The following MROH1 variants were observed in gnomAD, a reference collection of about 807,000 sequenced individuals.
MROH1 encodes maestro heat-like repeat-containing protein family member 1.
MROH1 carries 117 observed loss-of-function variants against 116.5 expected under a neutral mutation model. The observed-to-expected ratio is 1.00, with a 90% CI of 0.86 to 1.17. The LOEUF (loss-of-function observed/expected upper bound fraction) is 1.17, where lower values mean the gene tolerates loss of function less well. Among genes scored for constraint, MROH1 ranks in the 50% most tolerant of loss-of-function variants. The probability of loss-of-function intolerance (pLI) is 0.00; values close to 1 mark genes in which losing one functional copy is unlikely to be tolerated. For synonymous variants in MROH1, 921 were observed against 583.9 expected (o/e 1.58, Z -8.32); for missense variants, 1,873 against 1,338.5 (o/e 1.40, Z -6.23).
chr8:144,206,403 A>G (rs1832811483), intron 12 of MROH1, among the ~76,000 whole-genome samples: 1 of 150,514 alleles, frequency 6.6e-6, no homozygotes, highest in African/African-American at 2.4e-5. Context: ...TCCTGTTAAC[A>G]GACACTTGGG....
chr8:144,240,074 G>A, intron 18 of MROH1, 27 bp from the exon 19 acceptor site: 1 of 770,098 alleles, frequency 1.3e-6, no homozygotes, highest in Non-Finnish European at 2.4e-6. Flanking sequence ...TTTTGGGATG[G>A]GCTGGCCTGC....
intron 1 of MROH1, among the ~76,000 whole-genome samples, chr8:144,154,171 TCTC>T (rs1386260248): frequency 2.0e-5 from 3 of 152,110 alleles, no homozygotes; most frequent in African/African-American, 7.2e-5. Context: ...TTCAAGCCAT[TCTC>T]CTGCCTCAGC....
At chr8:144,168,193 T>C (rs1821427477) in intron 3 of MROH1, 102 bp from the exon 4 acceptor site, 6 of 1,318,120 alleles carry the variant, frequency 4.6e-6, no homozygotes, top group Non-Finnish European at 6.1e-6. Context: ...GTGTCTGTGA[T>C]CCTCAGAGGC....
intron 4 of MROH1, 149 bp from the exon 5 acceptor site, chr8:144,179,306 G>T: frequency 1.7e-6 from 2 of 1,173,004 alleles, no homozygotes; most frequent in Non-Finnish European, 2.4e-6. Context: ...GGCTTTTAGG[G>T]CGTGAGGAGT....
intron 14 of MROH1, among the ~76,000 whole-genome samples, chr8:144,234,995 C>T (rs999603578): frequency 5.4e-5 from 8 of 147,776 alleles, no homozygotes; most frequent in Admixed American, 2.1e-4. Context: ...CAGGTTCAAG[C>T]AGTTCTCATG....
rs926004968 is a variant in MROH1, at chr8:144,260,691, C to T, written c.4395C>T (p.Phe1465=). Residue 1465 remains phenylalanine (F), a synonymous_variant, in exon 40 of 44, where the codon TTC becomes TTT. Transcript: ENST00000326134. ...GTCCTTCCCAGGAGAAGATGGAGTT[C>T]CGGACGGCATCTATCCGCCTCTTTG... ...RPFFDSEKME[F]RTASIRLFGH... is the part of the protein sequence containing the mutation. 115 of 779,372 alleles carry T rather than the reference C, an allele frequency of 1.5e-4. No homozygotes were observed. The highest frequency in any genetic ancestry group is 1.0e-3 in the African/African-American group (62 of 59,270). The allele number at this position is 779,372 out of a possible 1,614,324, so 48.3% of individuals were successfully genotyped here.
intron 10 of MROH1, 47 bp downstream of exon 10, chr8:144,192,448 C>G (rs1828872363): frequency 6.7e-7 from 1 of 1,497,078 alleles, no homozygotes; most frequent in Non-Finnish European, 9.0e-7. Flanking sequence ...GCACACCCTT[C>G]CGTGGGAAGT....
At chr8:144,194,075 C>T (rs1829272866) in intron 10 of MROH1, among the ~76,000 whole-genome samples, 1 of 149,862 alleles carries the variant, frequency 6.7e-6, no homozygotes, top group Non-Finnish European at 1.5e-5. Context: ...TTTTTCTTTT[C>T]CCCTGAGATG....
chr8:144,168,701 A>G (rs1821641384), intron 4 of MROH1, among the ~76,000 whole-genome samples: 1 of 151,992 alleles, frequency 6.6e-6, no homozygotes, highest in African/African-American at 2.4e-5. Flanking sequence ...CCTTTTACTC[A>G]CTAAGTGGAG....
At chr8:144,236,532 G>A (rs1428345154) in intron 14 of MROH1, among the ~76,000 whole-genome samples, 3 of 151,940 alleles carry the variant, frequency 2.0e-5, no homozygotes, top group East Asian at 3.9e-4. Context: ...CTTGAAGTCG[G>A]GAGTTCAAGA....
At chr8:144,216,190 A>C (rs1235774413) in intron 12 of MROH1, among the ~76,000 whole-genome samples, 1 of 151,774 alleles carries the variant, frequency 6.6e-6, no homozygotes. Flanking sequence ...AAAAAAAACA[A>C]AGAGCCTGGC....
chr8:144,221,880 CGTG>C (rs1296164046), intron 13 of MROH1, among the ~76,000 whole-genome samples: 2 of 152,188 alleles, frequency 1.3e-5, no homozygotes, highest in East Asian at 3.9e-4. Context: ...GGGGCAGAGG[CGTG>C]GTCACGATGC....
chr8:144,207,608 C>T (rs1381472900), intron 12 of MROH1, among the ~76,000 whole-genome samples: 2 of 152,070 alleles, frequency 1.3e-5, no homozygotes, highest in African/African-American at 4.8e-5. Context: ...TGGGCTCAAG[C>T]GATCCTTCTG....
chr8:144,161,221 A>G (rs1678604062), intron 2 of MROH1, 132 bp downstream of exon 2: 1 of 152,248 alleles, frequency 6.6e-6, no homozygotes, highest in Non-Finnish European at 1.5e-5. Context: ...ATCCAGGATA[A>G]TCTCCCTGTC....
chr8:144,244,142 C>T, intron 26 of MROH1, 80 bp from the exon 27 acceptor site: 1 of 704,524 alleles, frequency 1.4e-6, no homozygotes. Context: ...GGCTGTGCTG[C>T]CCACACAGGC....
intron 14 of MROH1, among the ~76,000 whole-genome samples, chr8:144,230,966 T>C (rs1458586617): frequency 4.2e-5 from 6 of 142,904 alleles, no homozygotes; most frequent in African/African-American, 1.6e-4. Flanking sequence ...CCTTCCGCAG[T>C]GTTTGTGTCC....
chr8:144,204,026 C>T (rs1307919704), intron 12 of MROH1, among the ~76,000 whole-genome samples: 1 of 152,192 alleles, frequency 6.6e-6, no homozygotes. Flanking sequence ...AATATTTTAA[C>T]CAAATGACAT....
At chr8:144,192,544 C>T (rs1473376384) in intron 10 of MROH1, 143 bp downstream of exon 10, 10 of 740,502 alleles carry the variant, frequency 1.4e-5, no homozygotes, top group Non-Finnish European at 2.1e-5. Context: ...GAAGGTCACT[C>T]GGGTGACTTC....
intron 14 of MROH1, among the ~76,000 whole-genome samples, chr8:144,234,312 T>C (rs1018467317): frequency 2.6e-5 from 4 of 152,094 alleles, no homozygotes; most frequent in Admixed American, 6.6e-5. Context: ...CCGGCTGTAG[T>C]TCCATTTTAA....
Sources: allele counts gnomAD v4.1 joint callset (sites outside exome capture counted in the v4.1 genomes callset), GRCh38; gene constraint gnomAD v4.1.1; transcripts MANE v1.5; gene names NCBI Gene and HGNC (gene_info 2026-07-23, HGNC 2026-07-21).